Variants in PCDHGB2 observed in about 807,000 individuals in gnomAD.
PCDHGB2 encodes the protein protocadherin gamma subfamily B, 2.
A neutral mutation model predicts 59.3 loss-of-function variants in PCDHGB2; 55 were observed. The ratio of observed to expected loss-of-function variants is 0.93; its 90% CI spans 0.75 to 1.16. The LOEUF (loss-of-function observed/expected upper bound fraction) is 1.16. Among genes scored for constraint, PCDHGB2 ranks in the 50% most tolerant of loss-of-function variants. PCDHGB2 has a pLI of 0.00. For missense variants in PCDHGB2, 1,228 were observed against 1,198.5 expected, an observed-to-expected ratio of 1.02 and a Z score of -0.36; for synonymous variants, 516 against 512.0, an observed-to-expected ratio of 1.01 and a Z score of -0.11.
intron 1 of PCDHGB2, chr5:141,375,823 C>A (rs1771937674): frequency 6.2e-7 from 1 of 1,614,098 alleles, no homozygotes; most frequent in African/African-American, 1.3e-5. Context: ...TGGCGCCCCG[C>A]TCCGCAGAGC....
At chr5:141,510,028 C>A (rs962629835) in intron 3 of PCDHGB2, among the ~76,000 whole-genome samples, 1 of 152,164 alleles carries the variant, frequency 6.6e-6, no homozygotes, top group Non-Finnish European at 1.5e-5. Context: ...GCTGGCTGGG[C>A]TGTTATGTAG....
intron 1 of PCDHGB2, among the ~76,000 whole-genome samples, chr5:141,478,961 C>T (rs887338339): frequency 6.6e-6 from 1 of 152,206 alleles, no homozygotes; most frequent in Non-Finnish European, 1.5e-5. Context: ...CCTCATTCCT[C>T]CACCTTTCAA....
At position 141,370,581 on chromosome 5, in the gene PCDHGB2, A is replaced by G. The variant is rs750222191; in HGVS notation, c.2421+8025A>G. 6.2e-6 allele frequency: 10 copies of G among 1,613,758 alleles called. No homozygotes were observed. The Admixed American group carries it at 1.0e-4, about 16-fold the overall frequency. ...GGGGTTTGGCGTGGGGGATTTACCT[A>G]CTAGGAACCTGCGGGTTATTGCAGA... On this transcript the variant is annotated intron_variant, in intron 1 of 3. Coordinates refer to ENST00000522605, the MANE Select transcript of PCDHGB2 (RefSeq NM_018923.3).
intron 1 of PCDHGB2, chr5:141,414,679 G>T: frequency 6.2e-7 from 1 of 1,613,960 alleles, no homozygotes; most frequent in South Asian, 1.1e-5. Context: ...CACCATCCAG[G>T]GGGTACCTCT....
chr5:141,449,471 G>A (rs1261821886), intron 1 of PCDHGB2, among the ~76,000 whole-genome samples: 1 of 151,060 alleles, frequency 6.6e-6, no homozygotes, highest in African/African-American at 2.4e-5. Flanking sequence ...GCCAGGCCTG[G>A]TACCCCATGC....
chr5:141,363,872 T>G (rs1338866734), intron 1 of PCDHGB2, among the ~76,000 whole-genome samples: 1 of 152,152 alleles, frequency 6.6e-6, no homozygotes, highest in African/African-American at 2.4e-5. Flanking sequence ...AAGAGGTAAA[T>G]AAAGGACATA....
chr5:141,414,009 TGGA>T (rs2095701451), intron 1 of PCDHGB2: 2 of 1,612,964 alleles, frequency 1.2e-6, no homozygotes, highest in Middle Eastern at 1.7e-4. Context: ...AAGGTGCCAA[TGGA>T]GAAGTGACAT....
chr5:141,432,287 G>T lies in PCDHGB2; in HGVS notation c.2422-62520G>T. 1 of 1,614,216 alleles carries T rather than the reference G, an allele frequency of 6.2e-7. No individual in the cohort carries two copies. The highest frequency in any genetic ancestry group is 8.5e-7 in the Non-Finnish European group (1 of 1,180,030). On this transcript the variant is annotated intron_variant, in intron 1 of 3. Coordinates refer to ENST00000522605, the MANE Select transcript of PCDHGB2 (RefSeq NM_018923.3). This position sits in a 1 kb window ranked among gnomAD's most constrained non-coding sequence, Gnocchi z 6.0. ...ATCGTCCTACGTGTCCATCAACTCC[G>T]ACACTGGGGTACTGTATGCGCTGAG...
intron 1 of PCDHGB2, chr5:141,375,277 T>G: frequency 1.9e-6 from 3 of 1,613,826 alleles, no homozygotes; most frequent in Non-Finnish European, 2.5e-6. Context: ...AAAAATCAGT[T>G]GGCAATTATT....
rs200519543 is a variant in PCDHGB2, at chr5:141,439,190, C to CAA, written c.2422-55603_2422-55602dup. 3.7e-3 allele frequency among the ~76,000 whole-genome samples: 409 copies of CAA among 111,790 alleles called. 4 individuals are homozygous for CAA. The highest frequency in any genetic ancestry group is 0.029 in the East Asian group (112 of 3,852). The allele number at this position is 111,790 out of a possible 152,430, so 73.3% of individuals were successfully genotyped here. A position where few individuals can be genotyped will look rare whatever the true frequency, so the allele number is the denominator to read the frequency against. On this transcript the variant is annotated intron_variant, in intron 1 of 3. Transcript: ENST00000522605. Reference sequence around the variant, plus strand: ...CCTGGGCGACATAGTGAGACTCTGACAAAAAAAAAAAAAAATCCATATGTG... The same window carrying CAA: ...CCTGGGCGACATAGTGAGACTCTGACAAAAAAAAAAAAAAAAATCCATATGTG...
intron 1 of PCDHGB2, among the ~76,000 whole-genome samples, chr5:141,439,532 C>T (rs1030997598): frequency 6.6e-6 from 1 of 152,202 alleles, no homozygotes; most frequent in Admixed American, 6.5e-5. Context: ...CTACAGAACG[C>T]TGTCCTCTCA....
rs746637756 is a variant in PCDHGB2, at chr5:141,361,659, C to T, written c.1524C>T (p.Ser508=). The change falls in exon 1 of 4, where the codon AGC becomes AGT. Residue 508 remains serine, a synonymous_variant. Transcript: ENST00000522605. ...PREILSYVSV[S]AQSGVVFAQR... ...AGATTTTATCCTACGTGTCCGTGAG[C>T]GCGCAGAGCGGGGTGGTGTTCGCGC... 1.5e-5 allele frequency: 25 copies of T among 1,613,626 alleles called. No individual in the cohort carries two copies. The highest frequency in any genetic ancestry group is 2.7e-5 in the African/African-American group (2 of 74,956).
At chr5:141,376,632 T>G (rs1399941658) in intron 1 of PCDHGB2, 5 of 1,296,946 alleles carry the variant, frequency 3.9e-6, no homozygotes, top group Non-Finnish European at 5.2e-6. Flanking sequence ...GGAAGATTCG[T>G]GATTTTGTAA....
intron 1 of PCDHGB2, chr5:141,371,174 C>A: frequency 6.2e-7 from 1 of 1,613,994 alleles, no homozygotes; most frequent in South Asian, 1.1e-5. Context: ...CTGGCTCCTC[C>A]GTATTAAAAG....
intron 1 of PCDHGB2, among the ~76,000 whole-genome samples, chr5:141,494,328 G>T (rs1595238527): frequency 6.6e-6 from 1 of 152,200 alleles, no homozygotes; most frequent in Non-Finnish European, 1.5e-5. Flanking sequence ...CACCAAAAGG[G>T]TTACCAAGAA....
rs755177334 is a variant in PCDHGB2, at chr5:141,403,403, C to A, written c.2421+40847C>A. On this transcript the variant is annotated intron_variant, in intron 1 of 3. Coordinates refer to ENST00000522605, the MANE Select transcript of PCDHGB2 (RefSeq NM_018923.3). ...TAACGAAATCGCGGTTCCTGGAGCA[C>A]GTTATCCACTTCCAGAAGCTATTGA... 6.2e-6 allele frequency: 10 copies of A among 1,613,948 alleles called. 1 individual carries two copies. The South Asian group carries it at 1.1e-4, about 18-fold the overall frequency.
chr5:141,398,654 C>G, intron 1 of PCDHGB2: 1 of 1,613,998 alleles, frequency 6.2e-7, no homozygotes, highest in South Asian at 1.1e-5. Context: ...TCTCTTAACC[C>G]AAGTTTCTCA....
At chr5:141,433,646 A>G (rs2097639113) in intron 1 of PCDHGB2, among the ~76,000 whole-genome samples, 1 of 152,012 alleles carries the variant, frequency 6.6e-6, no homozygotes, top group Non-Finnish European at 1.5e-5. Flanking sequence ...GACCAGCCTG[A>G]CCAACATGGA....
intron 1 of PCDHGB2, among the ~76,000 whole-genome samples, chr5:141,471,046 CTTTT>C (rs1170588345): frequency 5.3e-5 from 6 of 113,264 alleles, no homozygotes; most frequent in Admixed American, 9.3e-5. Context: ...CCCAAGCCCT[CTTTT>C]TTTTTTTTTT....
Sources: allele counts gnomAD v4.1 joint callset (sites outside exome capture counted in the v4.1 genomes callset), GRCh38; gene constraint gnomAD v4.1.1; non-coding constraint Gnocchi (gnomAD v3.1); transcripts MANE v1.5; gene names NCBI Gene and HGNC (gene_info 2026-07-23, HGNC 2026-07-21).